Variants in NRXN3 observed in about 807,000 individuals in gnomAD.
NRXN3 encodes neurexin 3, also known as neurexin III.
A neutral mutation model predicts 137.6 loss-of-function variants in NRXN3; 32 were observed. The observed-to-expected ratio is 0.23, with a 90% CI of 0.18 to 0.31. The LOEUF is 0.31. NRXN3 is among the 10% of genes least tolerant of loss of function. NRXN3 has a pLI of 1.00. For synonymous variants in NRXN3, 798 were observed against 784.5 expected (o/e 1.02, Z -0.29); for missense variants, 1,574 against 2,062.5 (o/e 0.76, Z 4.59).
At chr14:78,805,959 C>T (rs1237187428) in intron 9 of NRXN3, among the ~76,000 whole-genome samples, 1 of 151,984 alleles carries the variant, frequency 6.6e-6, no homozygotes. Flanking sequence ...GTTGGTCATA[C>T]ATCCCACATG....
At chr14:78,816,714 A>G (rs980852886) in intron 10 of NRXN3, among the ~76,000 whole-genome samples, 2 of 152,200 alleles carry the variant, frequency 1.3e-5, no homozygotes, top group Admixed American at 6.5e-5. Context: ...CATTATAAAT[A>G]TTGATATATA....
intron 8 of NRXN3, among the ~76,000 whole-genome samples, chr14:78,739,068 C>T (rs1384494710): frequency 6.6e-6 from 1 of 152,224 alleles, no homozygotes; most frequent in African/African-American, 2.4e-5. Flanking sequence ...TCCCCAGATC[C>T]TATTCTCCGT....
intron 4 of NRXN3, among the ~76,000 whole-genome samples, chr14:78,464,599 C>T (rs759135937): frequency 6.6e-6 from 1 of 152,018 alleles, no homozygotes; most frequent in African/African-American, 2.4e-5. Flanking sequence ...TAAAATTATA[C>T]AAGAAAAAAT....
intron 15 of NRXN3, among the ~76,000 whole-genome samples, chr14:79,367,000 T>TG (rs1195796756): frequency 2.0e-5 from 3 of 148,660 alleles, no homozygotes; most frequent in African/African-American, 7.5e-5. Context: ...TTTTTTTTTT[T>TG]GGAGATGGAG....
At chr14:79,183,198 T>C (rs2063137340) in intron 15 of NRXN3, among the ~76,000 whole-genome samples, 1 of 152,250 alleles carries the variant, frequency 6.6e-6, no homozygotes, top group Non-Finnish European at 1.5e-5. Context: ...ATTCATTTAA[T>C]TTTAAATAAT....
chr14:79,552,031 C>G (rs761821240), intron 16 of NRXN3, among the ~76,000 whole-genome samples: 1 of 152,110 alleles, frequency 6.6e-6, no homozygotes. Flanking sequence ...TCTTCCTTCC[C>G]GTGGTTCATT....
intron 6 of NRXN3, among the ~76,000 whole-genome samples, chr14:78,655,524 CTTTGTTT>C (rs2097777758): frequency 1.3e-5 from 2 of 152,074 alleles, no homozygotes; most frequent in African/African-American, 4.8e-5. Flanking sequence ...TCAATGATGA[CTTTGTTT>C]TTTGCCTTTG....
Position 79,189,160 on chromosome 14 carries a change from G to C in NRXN3, c.3262+201019G>C, listed in dbSNP as rs964807106. On this transcript the variant is annotated intron_variant, in intron 15 of 20. Transcript: ENST00000335750. Reference sequence around the variant, plus strand: ...CCCAAATGTCCAACAATGATAGACTGGATTAAGAAAATGTGGCACATATAC... The same window carrying C: ...CCCAAATGTCCAACAATGATAGACTCGATTAAGAAAATGTGGCACATATAC... 1.9e-4 allele frequency among the ~76,000 whole-genome samples: 29 copies of C among 151,826 alleles called. No homozygotes were observed. The South Asian group carries it at 4.6e-3, about 24-fold the overall frequency.
intron 16 of NRXN3, among the ~76,000 whole-genome samples, chr14:79,616,156 G>A (rs74888120): frequency 0.039 from 5,883 of 152,244 alleles, 156 homozygotes; most frequent in Middle Eastern, 0.12. Context: ...AAATATTGTT[G>A]TGGAAACAGA....
intron 8 of NRXN3, among the ~76,000 whole-genome samples, chr14:78,778,533 A>C (rs1216222737): frequency 6.6e-6 from 1 of 152,190 alleles, no homozygotes; most frequent in Non-Finnish European, 1.5e-5. Flanking sequence ...TGAAATAGAA[A>C]TAATTTTATA....
intron 4 of NRXN3, among the ~76,000 whole-genome samples, chr14:78,485,997 A>ACT (rs2095554594): frequency 6.6e-6 from 1 of 152,202 alleles, no homozygotes; most frequent in Non-Finnish European, 1.5e-5. Flanking sequence ...ATATTTGCAG[A>ACT]GTGATTTGGA....
At chr14:79,671,741 A>G (rs538373442) in intron 17 of NRXN3, among the ~76,000 whole-genome samples, 5 of 152,206 alleles carry the variant, frequency 3.3e-5, no homozygotes, top group Admixed American at 1.3e-4. Context: ...TAAGTTAAAT[A>G]CAATTACTGC....
At chr14:79,681,076 T>C (rs1461284481) in intron 17 of NRXN3, among the ~76,000 whole-genome samples, 1 of 152,168 alleles carries the variant, frequency 6.6e-6, no homozygotes, top group Non-Finnish European at 1.5e-5. Flanking sequence ...ACTGCATTAT[T>C]GCATCTCTTC....
chr14:78,833,412 AGT>A (rs908010825), intron 10 of NRXN3, among the ~76,000 whole-genome samples: 4 of 152,158 alleles, frequency 2.6e-5, no homozygotes, highest in African/African-American at 9.7e-5. Context: ...GGGGAATTGC[AGT>A]GTGTCCATCC....
chr14:78,667,548 A>T (rs1041244075), intron 6 of NRXN3, among the ~76,000 whole-genome samples: 1 of 152,222 alleles, frequency 6.6e-6, no homozygotes, highest in African/African-American at 2.4e-5. Flanking sequence ...AAGAATTTAT[A>T]TCCCCCAAAT....
At chr14:79,806,962 A>ATTTTTTTTTTT (rs35028709) in intron 20 of NRXN3, among the ~76,000 whole-genome samples, 1 of 26,356 alleles carries the variant, frequency 3.8e-5, no homozygotes, top group Non-Finnish European at 6.4e-5. Context: ...ATATATATAT[A>ATTTTTTTTTTT]TTTTTTTTTT....
intron 4 of NRXN3, among the ~76,000 whole-genome samples, chr14:78,398,719 T>C (rs1018136752): frequency 2.0e-5 from 3 of 152,208 alleles, no homozygotes; most frequent in Non-Finnish European, 4.4e-5. Context: ...TAGGACTTCA[T>C]TGACATAACC....
chr14:78,828,374 G>T (rs1009120902), intron 10 of NRXN3, among the ~76,000 whole-genome samples: 20 of 152,196 alleles, frequency 1.3e-4, no homozygotes, highest in African/African-American at 4.6e-4. Flanking sequence ...AAGAACTGGA[G>T]AGTTGGTGGT....
intron 1 of NRXN3, among the ~76,000 whole-genome samples, chr14:78,177,379 T>TG (rs1428986761): frequency 3.4e-5 from 5 of 149,118 alleles, no homozygotes; most frequent in African/African-American, 1.2e-4. Flanking sequence ...TGAATGTGTG[T>TG]TTTTTTTTTC....
Sources: gnomAD v4.1 joint callset for allele counts (sites outside exome capture counted in the v4.1 genomes callset) on GRCh38, gnomAD v4.1.1 for gene constraint, MANE v1.5 for transcripts, NCBI Gene and HGNC (gene_info 2026-07-23, HGNC 2026-07-21) for gene names.